Variants in SYN3 observed in about 807,000 individuals in gnomAD.
SYN3 encodes the protein synapsin-3.
A neutral mutation model predicts 65.8 loss-of-function variants in SYN3; 35 were observed. That is an observed-to-expected ratio of 0.53 (90% CI 0.41 to 0.70). The LOEUF is 0.70. Among genes scored for constraint, SYN3 ranks in the 30% least tolerant of loss-of-function variants. SYN3 has a pLI of 0.00. For synonymous variants in SYN3, 270 were observed against 292.9 expected (o/e 0.92, Z 0.80); for missense variants, 680 against 749.0 (o/e 0.91, Z 1.08).
At chr22:32,692,521 A>G (rs1402844562) in intron 6 of SYN3, among the ~76,000 whole-genome samples, 1 of 152,210 alleles carries the variant, frequency 6.6e-6, no homozygotes, top group Non-Finnish European at 1.5e-5. Flanking sequence ...GACGCAGGCC[A>G]CCAACACGCT....
chr22:32,984,201 AAAGAAAAAAAGAGTCCC>A (rs887569538), intron 2 of SYN3, among the ~76,000 whole-genome samples: 10 of 89,000 alleles, frequency 1.1e-4, no homozygotes, highest in Admixed American at 1.1e-3. Flanking sequence ...AGAAAAGAAA[AAAGAAAAAAAGAGTCCC>A]AAAGAGTCTG....
intron 6 of SYN3, among the ~76,000 whole-genome samples, chr22:32,741,865 AG>A (rs1004967425): frequency 6.6e-6 from 1 of 152,224 alleles, no homozygotes; most frequent in African/African-American, 2.4e-5. Flanking sequence ...CCCAAGCCAA[AG>A]GGTTCCAAAC....
intron 7 of SYN3, among the ~76,000 whole-genome samples, chr22:32,571,281 C>T (rs1388095626): frequency 1.3e-5 from 2 of 152,078 alleles, no homozygotes; most frequent in African/African-American, 4.8e-5. Context: ...TCTTCCTTTC[C>T]ATCCCCAGTG....
In SYN3 at chr22:33,041,431, C is replaced by CAGCT. The variant is rs2145935412; in HGVS notation, c.-163+16857_-163+16860dup. 1.3e-5 allele frequency among the ~76,000 whole-genome samples: 2 copies of CAGCT among 151,958 alleles called. 1 individual carries two copies. Among genetic ancestry groups the CAGCT allele is most frequent in the South Asian group, 4.2e-4 (2 of 4,804 alleles). ...TCAGCCTCCCGAGCAGCTGGGACTA[C>CAGCT]AGCTGGGTGCCCGCCACCACACCCA... is the stretch of plus-strand genomic sequence containing the variant. On this transcript the variant is annotated intron_variant, in intron 1 of 13. Transcript: ENST00000358763.
intron 7 of SYN3, among the ~76,000 whole-genome samples, chr22:32,581,882 C>T (rs1430434839): frequency 2.0e-5 from 3 of 148,344 alleles, no homozygotes; most frequent in African/African-American, 5.0e-5. Flanking sequence ...CTGCAACCTC[C>T]GCTTCCTGAA....
At chr22:33,008,924 C>CAAAAAAAAAAAAAAAAAAAAAAAAAAAA (rs201719238) in intron 1 of SYN3, among the ~76,000 whole-genome samples, 5 of 57,100 alleles carry the variant, frequency 8.8e-5, no homozygotes, top group Admixed American at 2.3e-4. Context: ...GACTTTATCT[C>CAAAAAAAAAAAAAAAAAAAAAAAAAAAA]AAAAAAAAAA....
chr22:32,713,014 A>T (rs148465750), intron 6 of SYN3, among the ~76,000 whole-genome samples: 1 of 152,180 alleles, frequency 6.6e-6, no homozygotes, highest in Admixed American at 6.5e-5. Flanking sequence ...TTCCCCATGA[A>T]TTTTAAGTGT....
chr22:32,938,484 C>A (rs1326522331), intron 3 of SYN3, among the ~76,000 whole-genome samples: 1 of 149,194 alleles, frequency 6.7e-6, no homozygotes, highest in Non-Finnish European at 1.5e-5. Flanking sequence ...GAGCAGCAAT[C>A]GCGCCACTGC....
intron 3 of SYN3, among the ~76,000 whole-genome samples, chr22:32,958,874 G>T (rs1350477966): frequency 6.6e-6 from 1 of 152,072 alleles, no homozygotes; most frequent in Non-Finnish European, 1.5e-5. Flanking sequence ...AATGGGAGCA[G>T]CAGGACGATA....
intron 6 of SYN3, among the ~76,000 whole-genome samples, chr22:32,831,132 G>C (rs971636228): frequency 2.5e-4 from 38 of 152,184 alleles, no homozygotes; most frequent in African/African-American, 8.0e-4. Flanking sequence ...AGATCAAGGT[G>C]GCAGCGTGAC....
chr22:33,009,256 G>C (rs908876627), intron 1 of SYN3, among the ~76,000 whole-genome samples: 1 of 152,128 alleles, frequency 6.6e-6, no homozygotes, highest in Non-Finnish European at 1.5e-5. Context: ...GAGAGTTCCC[G>C]TTCCTCCACA....
intron 6 of SYN3, among the ~76,000 whole-genome samples, chr22:32,819,314 C>T (rs1195633957): frequency 1.3e-5 from 2 of 152,226 alleles, no homozygotes; most frequent in African/African-American, 4.8e-5. Flanking sequence ...CATCTCAGGA[C>T]ACAAAGAGGA....
rs188997145 is a variant in SYN3, at chr22:32,753,699, C to T, written c.711+111216G>A. On this transcript the variant is annotated intron_variant, in intron 6 of 13. Coordinates refer to ENST00000358763, the MANE Select transcript of SYN3 (RefSeq NM_003490.4). ...GTTGATTTATCCCATACACTTAACGCCCATTGTGCCTTTCATCAATCCCTC... is the reference window on the plus strand; with the variant it reads ...GTTGATTTATCCCATACACTTAACGTCCATTGTGCCTTTCATCAATCCCTC... Among the ~76,000 whole-genome samples, 10 of 152,396 alleles carry T rather than the reference C, an allele frequency of 6.6e-5. No homozygotes were observed. In the East Asian group the frequency reaches 1.9e-3, roughly 29 times the overall value.
intron 6 of SYN3, among the ~76,000 whole-genome samples, chr22:32,617,475 TC>T (rs1191867416): frequency 6.6e-6 from 1 of 151,586 alleles, no homozygotes; most frequent in African/African-American, 2.4e-5. Flanking sequence ...TCTTTTTTTT[TC>T]TTTTTTTTTT....
At chr22:33,030,358 C>T (rs1232390850) in intron 1 of SYN3, among the ~76,000 whole-genome samples, 2 of 151,984 alleles carry the variant, frequency 1.3e-5, no homozygotes, top group Admixed American at 6.6e-5. Context: ...AGGAAGGCAC[C>T]GAAATGAGGG....
At chr22:32,946,242 C>T (rs1450059969) in intron 3 of SYN3, among the ~76,000 whole-genome samples, 3 of 152,080 alleles carry the variant, frequency 2.0e-5, no homozygotes, top group East Asian at 1.9e-4. Context: ...CACATGCACA[C>T]GTATGTTTAT....
At chr22:32,842,132 C>T (rs2047927580) in intron 6 of SYN3, among the ~76,000 whole-genome samples, 1 of 152,194 alleles carries the variant, frequency 6.6e-6, no homozygotes, top group Non-Finnish European at 1.5e-5. Context: ...TGGGAAGTGA[C>T]TTGCCCAAGG....
At chr22:32,757,947 A>G (rs2045345647) in intron 6 of SYN3, among the ~76,000 whole-genome samples, 1 of 152,240 alleles carries the variant, frequency 6.6e-6, no homozygotes, top group African/African-American at 2.4e-5. Flanking sequence ...AGGCAATATC[A>G]ATACCAGCTA....
intron 6 of SYN3, among the ~76,000 whole-genome samples, chr22:32,641,452 C>CA (rs2059897855): frequency 6.6e-6 from 1 of 151,244 alleles, no homozygotes; most frequent in Admixed American, 6.6e-5. Context: ...ACTAAAAATA[C>CA]AAAAAATTAG....
Sources: allele counts gnomAD v4.1 joint callset (sites outside exome capture counted in the v4.1 genomes callset), GRCh38; gene constraint gnomAD v4.1.1; transcripts MANE v1.5; gene names NCBI Gene and HGNC (gene_info 2026-07-23, HGNC 2026-07-21).